The following TRMT11 variants were observed in gnomAD, a reference collection of about 807,000 sequenced individuals.
The protein encoded by TRMT11 is tRNA (guanine(10)-N(2))-methyltransferase TRMT11.
Under a neutral mutation model 62.8 loss-of-function variants are expected in TRMT11, and 53 were observed. The observed-to-expected ratio is 0.84, with a 90% CI of 0.68 to 1.06. TRMT11 has a LOEUF of 1.06. TRMT11 is among the 50% of genes least tolerant of loss of function. The pLI is 0.00. For missense variants in TRMT11, 556 were observed against 553.4 expected, an observed-to-expected ratio of 1.00 and a Z score of -0.05; for synonymous variants, 188 against 190.3, an observed-to-expected ratio of 0.99 and a Z score of 0.10.
chr6:126,245,564 G>A, the TRMT11 span, among the ~76,000 whole-genome samples: 1 of 152,242 alleles, frequency 6.6e-6, no homozygotes, highest in African/African-American at 2.4e-5. Context: ...CAGATGGATT[G>A]AATCTGCACT....
chr6:126,051,901 G>A (rs1776230057), intron 16 of TRMT11, among the ~76,000 whole-genome samples: 1 of 151,886 alleles, frequency 6.6e-6, no homozygotes, highest in African/African-American at 2.4e-5. Context: ...CCCTGTATGG[G>A]ACAAAAAACA....
rs1242421721 is a variant in TRMT11 at position 125,998,148 on chromosome 6, T to C, written c.294+14T>C. 1.9e-6 allele frequency: 3 copies of C among 1,610,996 alleles called. No homozygotes were observed. In the African/African-American group the frequency reaches 4.0e-5, roughly 22 times the overall value. ...GTGGAGAAGATGGTGCGTAGTAAAA[T>C]GTGGTTTTATATAGGCATGCGTGCA... On this transcript the variant is annotated intron_variant, in intron 4 of 12. Transcript: ENST00000334379.
intron 7 of TRMT11, among the ~76,000 whole-genome samples, chr6:126,003,282 T>G (rs1175774431): frequency 6.6e-6 from 1 of 152,116 alleles, no homozygotes; most frequent in African/African-American, 2.4e-5. Flanking sequence ...GCAATTTTTT[T>G]TAGCTCACCA....
At position 126,161,250 on chromosome 6, in the gene TRMT11, G is replaced by A. The variant is rs562576727; in HGVS notation, c.*1824-13575G>A. Among the ~76,000 whole-genome samples the A allele has an allele frequency of 3.3e-5, 5 of 151,488 alleles. No homozygotes were observed. The South Asian group carries it at 1.0e-3, about 32-fold the overall frequency. On this transcript the variant is annotated intron_variant and NMD_transcript_variant, in intron 21 of 22. Transcript: ENST00000648977. ...CCCCTTGTCCCCCAACCCCCCTACA[G>A]GCCCTGGCATATGATGTTCCCCTCC...
At chr6:126,155,091 A>G (rs1407410240) in intron 21 of TRMT11, among the ~76,000 whole-genome samples, 1 of 152,218 alleles carries the variant, frequency 6.6e-6, no homozygotes, top group African/African-American at 2.4e-5. Context: ...TTAAAAAGAA[A>G]AGATATTTAA....
chr6:126,096,444 C>A (rs897275318), intron 17 of TRMT11, among the ~76,000 whole-genome samples: 1 of 152,202 alleles, frequency 6.6e-6, no homozygotes, highest in Non-Finnish European at 1.5e-5. Flanking sequence ...CTCTAACTCT[C>A]AGCAGCAGAT....
chr6:126,203,100 T>C (rs1171324599), downstream of TRMT11, among the ~76,000 whole-genome samples: 30 of 152,170 alleles, frequency 2.0e-4, no homozygotes, highest in Non-Finnish European at 5.9e-5. Context: ...AGGTAGCTTG[T>C]GAGTGAGCAT....
chr6:126,052,587 A>C (rs887605104), intron 16 of TRMT11, among the ~76,000 whole-genome samples: 3 of 152,168 alleles, frequency 2.0e-5, no homozygotes, highest in Admixed American at 2.0e-4. Context: ...CATTTGGCAG[A>C]GCTCATGACA....
chr6:126,199,322 A>C (rs1167438672), intron 2 of TRMT11, among the ~76,000 whole-genome samples: 1 of 152,198 alleles, frequency 6.6e-6, no homozygotes, highest in Non-Finnish European at 1.5e-5. Context: ...TTCAATTTTG[A>C]ATTTAAATAA....
At chr6:126,095,212 A>C (rs529172198) in intron 17 of TRMT11, among the ~76,000 whole-genome samples, 2 of 152,354 alleles carry the variant, frequency 1.3e-5, no homozygotes, top group East Asian at 3.9e-4. Context: ...ACAATGGATA[A>C]GAATGGTCTT....
At chr6:126,031,217 G>A (rs1194301113) in intron 12 of TRMT11, among the ~76,000 whole-genome samples, 1 of 152,124 alleles carries the variant, frequency 6.6e-6, no homozygotes, top group Admixed American at 6.5e-5. Flanking sequence ...AAGGTACTAT[G>A]AGAAATAGGA....
the TRMT11 span, among the ~76,000 whole-genome samples, chr6:126,244,401 C>T: frequency 1.3e-5 from 2 of 152,100 alleles, no homozygotes; most frequent in African/African-American, 4.8e-5. Context: ...CTCTCTTCCC[C>T]GCCTTTCACT....
intron 17 of TRMT11, among the ~76,000 whole-genome samples, chr6:126,085,195 T>C (rs1777200686): frequency 6.6e-6 from 1 of 152,206 alleles, no homozygotes; most frequent in Non-Finnish European, 1.5e-5. Flanking sequence ...TTGTACACCT[T>C]GAACATATAT....
chr6:126,185,036 C>G (rs529863042), intron 1 of TRMT11, among the ~76,000 whole-genome samples: 14 of 152,164 alleles, frequency 9.2e-5, no homozygotes, highest in East Asian at 5.8e-4. Flanking sequence ...TCTTCCTGGT[C>G]CACTCAAGTT....
chr6:126,077,413 A>AAGAG (rs1777051946), intron 17 of TRMT11, among the ~76,000 whole-genome samples: 1 of 152,200 alleles, frequency 6.6e-6, no homozygotes, highest in African/African-American at 2.4e-5. Context: ...TGGGCTTTGA[A>AAGAG]AGAGTGTGAC....
chr6:126,121,223 T>G (rs75971097), intron 21 of TRMT11, among the ~76,000 whole-genome samples: 214 of 152,252 alleles, frequency 1.4e-3, no homozygotes, highest in African/African-American at 4.8e-3. Context: ...AGAACTGAAT[T>G]TGTTTATTTA....
At chr6:126,109,741 A>G (rs918909786) in intron 17 of TRMT11, among the ~76,000 whole-genome samples, 2 of 152,194 alleles carry the variant, frequency 1.3e-5, no homozygotes, top group East Asian at 3.8e-4. Context: ...ATACATTTAT[A>G]TTTTATGTGC....
At chr6:126,160,032 C>T (rs1778171287) in intron 21 of TRMT11, among the ~76,000 whole-genome samples, 1 of 152,154 alleles carries the variant, frequency 6.6e-6, no homozygotes, top group African/African-American at 2.4e-5. Context: ...TTTTAACATA[C>T]TCTTCCCTCA....
chr6:126,093,609 A>T (rs865914413), intron 17 of TRMT11, among the ~76,000 whole-genome samples: 100 of 90,974 alleles, frequency 1.1e-3, no homozygotes, highest in African/African-American at 3.2e-3. Flanking sequence ...ATATATATAT[A>T]TATATATATA....
Sources: allele counts gnomAD v4.1 joint callset (sites outside exome capture counted in the v4.1 genomes callset), GRCh38; gene constraint gnomAD v4.1.1; transcripts MANE v1.5; gene names NCBI Gene and HGNC (gene_info 2026-07-23, HGNC 2026-07-21).